Variants in PRKN observed in about 807,000 individuals in gnomAD.
PRKN encodes parkin RBR E3 ubiquitin protein ligase.
PRKN carries 56 observed loss-of-function variants against 59.5 expected under a neutral mutation model. The observed-to-expected ratio is 0.94, with a 90% confidence interval of 0.76 to 1.18. The LOEUF is 1.18. Among genes scored for constraint, PRKN ranks in the 50% most tolerant of loss-of-function variants. The pLI is 0.00. For synonymous variants in PRKN, 250 were observed against 222.1 expected (o/e 1.13, Z -1.12); for missense variants, 657 against 596.4 (o/e 1.10, Z -1.06).
At chr6:162,454,799 C>T (rs1790789704) in intron 1 of PRKN, among the ~76,000 whole-genome samples, 1 of 152,218 alleles carries the variant, frequency 6.6e-6, no homozygotes. Flanking sequence ...CTCAATCTCC[C>T]CCACGGTGGC....
chr6:162,621,988 T>C (rs1782687863), intron 1 of PRKN, among the ~76,000 whole-genome samples: 1 of 152,048 alleles, frequency 6.6e-6, no homozygotes, highest in South Asian at 2.1e-4. Flanking sequence ...CTAATTGTAT[T>C]TTTTAGTAGA....
chr6:162,274,760 GT>G (rs1362381521), intron 2 of PRKN, among the ~76,000 whole-genome samples: 1 of 152,006 alleles, frequency 6.6e-6, no homozygotes, highest in Non-Finnish European at 1.5e-5. Flanking sequence ...TACTGAACAA[GT>G]TTCTTCATTG....
chr6:162,021,144 ATATATATATATATATATAT>A lies in PRKN; in HGVS notation c.618+32928_618+32946del, dbSNP rs1783150667. 4.6e-4 allele frequency among the ~76,000 whole-genome samples: 9 copies of A among 19,568 alleles called. 1 individual carries two copies. In the Admixed American group the frequency reaches 5.4e-3, roughly 12 times the overall value. 12.8% of individuals were successfully genotyped at this position (19,568 alleles called of 152,430 possible). A position where few individuals can be genotyped will look rare whatever the true frequency, so the allele number is the denominator to read the frequency against. The stretch of plus-strand genomic sequence containing the variant: ...CATATATATATATATATATATATAT[ATATATATATATATATATAT>A]ATAAAATATATGTGTATATATATTA... On this transcript the variant is annotated intron_variant, in intron 5 of 11. Coordinates refer to ENST00000366898, the MANE Select transcript of PRKN (RefSeq NM_004562.3).
intron 6 of PRKN, among the ~76,000 whole-genome samples, chr6:161,916,746 TAC>T (rs1234053341): frequency 2.6e-5 from 4 of 152,244 alleles, no homozygotes; most frequent in Non-Finnish European, 4.4e-5. Context: ...CATTGCAAAT[TAC>T]ACAGATAGTA....
chr6:162,698,977 CTCT>C (rs1180139424), intron 1 of PRKN, among the ~76,000 whole-genome samples: 3 of 152,108 alleles, frequency 2.0e-5, no homozygotes, highest in Non-Finnish European at 2.9e-5. Flanking sequence ...TTCTGAAGAG[CTCT>C]TCATTTCCAT....
intron 4 of PRKN, among the ~76,000 whole-genome samples, chr6:162,078,144 C>T (rs925342134): frequency 7.2e-6 from 1 of 139,668 alleles, no homozygotes; most frequent in Admixed American, 7.2e-5. Flanking sequence ...CTCAAACTGG[C>T]TTCATTAAAA....
At chr6:161,573,117 TAG>T (rs1780957170) in intron 7 of PRKN, among the ~76,000 whole-genome samples, 3 of 152,026 alleles carry the variant, frequency 2.0e-5, no homozygotes, top group Non-Finnish European at 2.9e-5. Flanking sequence ...GTCCGAAGGG[TAG>T]AGTCACAGGA....
In PRKN at chr6:161,442,651, C is replaced by G. The variant is rs1328561941; in HGVS notation, c.1084-55774G>C. On this transcript the variant is annotated intron_variant, in intron 9 of 11. Coordinates refer to ENST00000366898, the MANE Select transcript of PRKN (RefSeq NM_004562.3). This position sits in a 1 kb window ranked among gnomAD's most constrained non-coding sequence, Gnocchi z 4.6. ...GCTGTCTTGGACTGGACGGGCTGGACTCCCAGCTGAAGGTGGCTTGGAATT... is the reference window on the plus strand; with the variant it reads ...GCTGTCTTGGACTGGACGGGCTGGAGTCCCAGCTGAAGGTGGCTTGGAATT... 6.6e-6 allele frequency among the ~76,000 whole-genome samples: 1 copy of G among 152,194 alleles called. No individual in the cohort carries two copies. Among genetic ancestry groups the G allele is most frequent in the Non-Finnish European group, 1.5e-5 (1 of 68,048 alleles).
intron 6 of PRKN, among the ~76,000 whole-genome samples, chr6:161,849,873 G>T (rs956228109): frequency 2.6e-5 from 4 of 152,162 alleles, no homozygotes; most frequent in Non-Finnish European, 4.4e-5. Context: ...AATTGTCCCA[G>T]CAAAATTATT....
intron 2 of PRKN, among the ~76,000 whole-genome samples, chr6:162,309,515 T>G (rs1782382099): frequency 6.6e-6 from 1 of 152,172 alleles, no homozygotes; most frequent in African/African-American, 2.4e-5. Context: ...TAGGATCAGC[T>G]GCCTTCTTGG....
chr6:162,358,722 T>A (rs900499820), intron 2 of PRKN, among the ~76,000 whole-genome samples: 1 of 152,058 alleles, frequency 6.6e-6, no homozygotes, highest in Non-Finnish European at 1.5e-5. Flanking sequence ...CCCTATCTTA[T>A]CATTTTAGAT....
intron 2 of PRKN, among the ~76,000 whole-genome samples, chr6:162,350,652 C>T (rs1469416710): frequency 6.6e-6 from 1 of 152,108 alleles, no homozygotes. Context: ...TTCTGCTTTA[C>T]ATCATATACA....
At chr6:162,043,627 A>C (rs991790055) in intron 5 of PRKN, among the ~76,000 whole-genome samples, 3 of 152,192 alleles carry the variant, frequency 2.0e-5, no homozygotes, top group African/African-American at 7.2e-5. Flanking sequence ...CTATTGACTC[A>C]ATTGTCCTTT....
intron 4 of PRKN, among the ~76,000 whole-genome samples, chr6:162,114,355 T>C (rs1780574969): frequency 2.0e-5 from 3 of 151,690 alleles, no homozygotes; most frequent in Admixed American, 2.0e-4. Context: ...GAGCATGGAA[T>C]GTTCTTCCAT....
At chr6:161,761,948 T>C (rs750702901) in intron 7 of PRKN, among the ~76,000 whole-genome samples, 10 of 152,194 alleles carry the variant, frequency 6.6e-5, no homozygotes, top group Non-Finnish European at 1.5e-4. Context: ...GGACAGGACA[T>C]TTGGCCTAGG....
intron 9 of PRKN, among the ~76,000 whole-genome samples, chr6:161,432,764 T>C (rs1019541598): frequency 3.9e-5 from 6 of 152,066 alleles, no homozygotes; most frequent in African/African-American, 1.4e-4. Flanking sequence ...GCAACTTCCA[T>C]TTGGGTAAGA....
intron 6 of PRKN, among the ~76,000 whole-genome samples, chr6:161,840,483 G>A (rs1792938186): frequency 1.3e-5 from 2 of 152,304 alleles, no homozygotes; most frequent in South Asian, 4.1e-4. Flanking sequence ...TGTGCAGGAT[G>A]TGCAGGTTTG....
intron 1 of PRKN, among the ~76,000 whole-genome samples, chr6:162,547,476 A>G (rs1490513156): frequency 6.6e-6 from 1 of 152,210 alleles, no homozygotes; most frequent in Non-Finnish European, 1.5e-5. Flanking sequence ...ATTTACAAAA[A>G]CCCGTCGATT....
chr6:162,200,161 C>T (rs994314135), intron 4 of PRKN, among the ~76,000 whole-genome samples: 1 of 152,174 alleles, frequency 6.6e-6, no homozygotes, highest in Admixed American at 6.5e-5. Context: ...GCACACCTGA[C>T]TGCCCCCAGC....
Sources: allele counts gnomAD v4.1 joint callset (sites outside exome capture counted in the v4.1 genomes callset), GRCh38; gene constraint gnomAD v4.1.1; non-coding constraint Gnocchi (gnomAD v3.1); transcripts MANE v1.5; gene names NCBI Gene and HGNC (gene_info 2026-07-23, HGNC 2026-07-21).